Variants in MYO1D observed in about 807,000 individuals in gnomAD.
The protein encoded by MYO1D is myosin ID, also known as unconventional myosin-Id.
MYO1D carries 83 observed loss-of-function variants against 122.0 expected under a neutral mutation model. The ratio of observed to expected loss-of-function variants is 0.68; its 90% CI spans 0.57 to 0.82. The LOEUF is 0.82. MYO1D is among the 40% of genes least tolerant of loss of function. The pLI, the probability that MYO1D is intolerant of heterozygous loss-of-function variation, is 0.00. For synonymous variants in MYO1D, 464 were observed against 446.9 expected, an observed-to-expected ratio of 1.04 and a Z score of -0.48; for missense variants, 1,157 against 1,269.5, an observed-to-expected ratio of 0.91 and a Z score of 1.35.
rs1007665775 is a variant in MYO1D, at chr17:32,611,713, C to T, written c.2710-6472G>A. ...AATTAGCTGGTTGTGGTGGAGGGTGCCTATAGTCCCAGCTAATCAGGAGGC... is the reference window on the plus strand; with the variant it reads ...AATTAGCTGGTTGTGGTGGAGGGTGTCTATAGTCCCAGCTAATCAGGAGGC... On this transcript the variant is annotated intron_variant, in intron 20 of 21. Transcript: ENST00000318217. Among the ~76,000 whole-genome samples the T allele has an allele frequency of 2.6e-5, 4 of 152,154 alleles. 1 individual carries two copies. In the South Asian group the frequency reaches 6.2e-4, roughly 24 times the overall value.
At chr17:32,822,400 A>G (rs1000109558) in intron 1 of MYO1D, among the ~76,000 whole-genome samples, 1 of 150,212 alleles carries the variant, frequency 6.7e-6, no homozygotes, top group Non-Finnish European at 1.5e-5. Context: ...GGGAGGGATA[A>G]CGCGTCCAGC....
chr17:32,726,426 A>G (rs2089573687), intron 14 of MYO1D, among the ~76,000 whole-genome samples: 1 of 151,166 alleles, frequency 6.6e-6, no homozygotes, highest in Non-Finnish European at 1.5e-5. Context: ...TCTCAAAAAA[A>G]AAAGAAAAGA....
chr17:32,747,549 C>G (rs1034611058), intron 12 of MYO1D, among the ~76,000 whole-genome samples: 1 of 151,996 alleles, frequency 6.6e-6, no homozygotes, highest in Admixed American at 6.6e-5. Context: ...AAAATAGAGG[C>G]AGAGCGGCCA....
intron 21 of MYO1D, among the ~76,000 whole-genome samples, chr17:32,528,581 G>A (rs951345944): frequency 5.3e-5 from 8 of 152,154 alleles, no homozygotes; most frequent in African/African-American, 1.4e-4. Flanking sequence ...GTTACCGTAC[G>A]TGGCAAAAAG....
chr17:32,842,861 T>C (rs1211470118), intron 1 of MYO1D, among the ~76,000 whole-genome samples: 1 of 151,610 alleles, frequency 6.6e-6, no homozygotes, highest in Non-Finnish European at 1.5e-5. Flanking sequence ...AGTTATACTG[T>C]CATTTGTTTT....
At chr17:32,626,709 T>G (rs9916663) in intron 20 of MYO1D, among the ~76,000 whole-genome samples, 2,246 of 152,248 alleles carry the variant, frequency 0.015, 41 homozygotes, top group African/African-American at 0.047. Flanking sequence ...CTCTAACCAG[T>G]GTAACAAAAG....
chr17:32,573,338 G>A (rs1333153257), intron 21 of MYO1D, among the ~76,000 whole-genome samples: 1 of 152,086 alleles, frequency 6.6e-6, no homozygotes, highest in African/African-American at 2.4e-5. Flanking sequence ...TCAGAGCCCC[G>A]TGTCTTCTTG....
chr17:32,874,047 T>C (rs1305625287), intron 1 of MYO1D, among the ~76,000 whole-genome samples: 2 of 152,214 alleles, frequency 1.3e-5, no homozygotes, highest in Non-Finnish European at 2.9e-5. Context: ...CCACCTGGAA[T>C]GCTCTCCAGC....
chr17:32,619,991 T>C (rs1265793208), intron 20 of MYO1D, among the ~76,000 whole-genome samples: 2 of 152,206 alleles, frequency 1.3e-5, no homozygotes, highest in African/African-American at 4.8e-5. Context: ...ATCTTCTCTT[T>C]TAGCAGGCTT....
intron 13 of MYO1D, among the ~76,000 whole-genome samples, chr17:32,739,495 G>A: frequency 7.4e-6 from 1 of 134,588 alleles, no homozygotes; most frequent in African/African-American, 2.8e-5. Flanking sequence ...GCCTGTCATG[G>A]GGTGGGGGGA....
chr17:32,759,973 G>A, intron 10 of MYO1D: 1 of 531,214 alleles, frequency 1.9e-6, no homozygotes, highest in Non-Finnish European at 3.3e-6. Flanking sequence ...GCCAATTTAA[G>A]GTATAACTTA....
chr17:32,594,633 T>C lies in MYO1D; in HGVS notation c.2864+10454A>G, dbSNP rs375789616. On this transcript the variant is annotated intron_variant, in intron 21 of 21. Coordinates refer to ENST00000318217, the MANE Select transcript of MYO1D (RefSeq NM_015194.3). Reference sequence around the variant, plus strand: ...GCTTTTTCTTTTAGGTCTTATAATATCTATATCTCTCTTACTGTTAATATC... The same window carrying C: ...GCTTTTTCTTTTAGGTCTTATAATACCTATATCTCTCTTACTGTTAATATC... 3.7e-5 allele frequency: 22 copies of C among 602,700 alleles called. 2 individuals are homozygous for C. The highest frequency in any genetic ancestry group is 3.9e-4 in the Middle Eastern group (1 of 2,594). 37.3% of individuals were successfully genotyped at this position (602,700 alleles called of 1,614,324 possible). A position where few individuals can be genotyped will look rare whatever the true frequency, so the allele number is the denominator to read the frequency against.
chr17:32,550,169 A>C (rs1422888547), intron 21 of MYO1D, among the ~76,000 whole-genome samples: 1 of 150,704 alleles, frequency 6.6e-6, no homozygotes, highest in Non-Finnish European at 1.5e-5. Context: ...GTGTAATCTC[A>C]GCTCACTGCA....
At chr17:32,648,227 A>G (rs1195775645) in intron 19 of MYO1D, among the ~76,000 whole-genome samples, 1 of 151,566 alleles carries the variant, frequency 6.6e-6, no homozygotes, top group East Asian at 1.9e-4. Flanking sequence ...AACAAAACAA[A>G]AAACAAAACA....
intron 21 of MYO1D, among the ~76,000 whole-genome samples, chr17:32,598,664 C>T (rs1276877260): frequency 6.6e-6 from 1 of 152,140 alleles, no homozygotes. Context: ...AAGCAAGTCA[C>T]ACAATTTTTT....
chr17:32,809,134 T>TAA (rs371101816), intron 1 of MYO1D, among the ~76,000 whole-genome samples: 53,345 of 134,200 alleles, frequency 0.4, 10,520 homozygotes, highest in East Asian at 0.53. Flanking sequence ...TTGTTTTTGA[T>TAA]AAAAAAAAAA....
chr17:32,679,742 G>A (rs992118986), intron 16 of MYO1D, among the ~76,000 whole-genome samples: 1 of 152,016 alleles, frequency 6.6e-6, no homozygotes, highest in Non-Finnish European at 1.5e-5. Flanking sequence ...TGGCAGTGCG[G>A]GGTCTTTTTT....
intron 21 of MYO1D, among the ~76,000 whole-genome samples, chr17:32,603,660 G>A (rs1430625936): frequency 1.3e-5 from 2 of 151,504 alleles, no homozygotes; most frequent in Non-Finnish European, 2.9e-5. Flanking sequence ...TGAGTAGCTG[G>A]GACTACAGGT....
chr17:32,673,124 T>TTTTTTTTTTTTTTTTTTC (rs2088747455), intron 16 of MYO1D, among the ~76,000 whole-genome samples: 1 of 125,676 alleles, frequency 8.0e-6, no homozygotes, highest in Non-Finnish European at 1.6e-5. Context: ...TTTTTTTTTT[T>TTTTTTTTTTTTTTTTTTC]TTTGAGACAG....
Sources: allele counts gnomAD v4.1 joint callset (sites outside exome capture counted in the v4.1 genomes callset), GRCh38; gene constraint gnomAD v4.1.1; transcripts MANE v1.5; gene names NCBI Gene and HGNC (gene_info 2026-07-23, HGNC 2026-07-21).